The following ZNF701 variants were observed in gnomAD, a reference collection of about 807,000 sequenced individuals.
ZNF701 encodes zinc finger protein 701.
ZNF701 carries 6 observed loss-of-function variants against 7.1 expected under a neutral mutation model. The observed-to-expected ratio is 0.84, with a 90% confidence interval of 0.46 to 1.66. ZNF701 has a LOEUF of 1.66. Among genes scored for constraint, ZNF701 ranks in the 40% most tolerant of loss-of-function variants. The pLI, the probability that ZNF701 is intolerant of heterozygous loss-of-function variation, is 0.01. For missense variants in ZNF701, 541 were observed against 559.2 expected, an observed-to-expected ratio of 0.97 and a Z score of 0.33; for synonymous variants, 166 against 188.2, an observed-to-expected ratio of 0.88 and a Z score of 0.97.
rs1274449008 is a variant in ZNF701 at position 52,583,719 on chromosome 19, T to G, written c.*262T>G. 2 of 779,504 alleles carry G rather than the reference T, an allele frequency of 2.6e-6. No homozygotes were observed. The highest frequency in any genetic ancestry group is 5.0e-5 in the East Asian group (2 of 40,390). The allele number at this position is 779,504 out of a possible 1,614,324, so 48.3% of individuals were successfully genotyped here. A position where few individuals can be genotyped will look rare whatever the true frequency, so the allele number is the denominator to read the frequency against. On this transcript the variant is annotated 3_prime_UTR_variant, in exon 4 of 4. Transcript: ENST00000391785. ...AAAGGAACTGTACAAGTGTAATGAG[T>G]GTGGCAGAGCCTTTGGTGGTCAGTC...
Position 52,583,933 on chromosome 19 carries a change from A to G in ZNF701, c.*476A>G, listed in dbSNP as rs1263960390. 2.5e-6 allele frequency: 1 copy of G among 402,280 alleles called. No individual in the cohort carries two copies. The highest frequency in any genetic ancestry group is 5.0e-6 in the Non-Finnish European group (1 of 200,270). The allele number at this position is 402,280 out of a possible 1,614,324, so 24.9% of individuals were successfully genotyped here. On this transcript the variant is annotated 3_prime_UTR_variant, in exon 4 of 4. Transcript: ENST00000391785. ...ATTCATAACTTGCAGTTCATTGGCGATCTTATACAGGAGAGAAATCTTACA... is the reference window on the plus strand; with the variant it reads ...ATTCATAACTTGCAGTTCATTGGCGGTCTTATACAGGAGAGAAATCTTACA...
At chr19:52,591,575 G>A (rs931439783), downstream of ZNF701, among the ~76,000 whole-genome samples, 9 of 152,100 alleles carry the variant, frequency 5.9e-5, no homozygotes. Flanking sequence ...TGCAACCTTC[G>A]CCTCTGGGGC....
the ZNF701 span, chr19:52,595,810 C>T: frequency 1.2e-6 from 2 of 1,608,424 alleles, no homozygotes; most frequent in Non-Finnish European, 8.5e-7. Flanking sequence ...ATGAAGCACC[C>T]ATGACAGAAA....
chr19:52,571,224 T>C (rs1002376601), intron 1 of ZNF701, among the ~76,000 whole-genome samples: 4 of 144,138 alleles, frequency 2.8e-5, no homozygotes. Flanking sequence ...AGAGGGAGGC[T>C]CATCAGAGTG....
intron 2 of ZNF701, 48 bp from the exon 3 acceptor site, chr19:52,575,847 T>G (rs2146982920): frequency 8.2e-7 from 1 of 1,219,988 alleles, no homozygotes. Flanking sequence ...TCTGTAAAGA[T>G]AAGATCTCCT....
At chr19:52,593,398 CTGGCGGG>C in the ZNF701 span, among the ~76,000 whole-genome samples, 13 of 110,506 alleles carry the variant, frequency 1.2e-4, 4 homozygotes, top group Non-Finnish European at 5.9e-5. Context: ...GGCGGCTGGC[CTGGCGGG>C]GGGCTGACCC....
At position 52,583,409 on chromosome 19, in the gene ZNF701, A is replaced by G; in HGVS notation, c.1350A>G (p.Lys450=). The change falls in exon 4 of 4, where the codon AAA becomes AAG. Residue 450 remains lysine, a synonymous_variant. Transcript: ENST00000391785. The stretch of plus-strand genomic sequence containing the variant: ...AATGTGGCAAGGTTTTTAATCGAAA[A>G]TCAAACCTTGAACGTCATCATAGAC... The part of the protein sequence containing the change: ...CNECGKVFNR[K]SNLERHHRLH... 1.2e-6 allele frequency: 2 copies of G among 1,613,790 alleles called. No homozygotes were observed. Among genetic ancestry groups the G allele is most frequent in the Non-Finnish European group, 1.7e-6 (2 of 1,179,788 alleles).
chr19:52,581,787 C>T (rs1205958123), intron 3 of ZNF701, among the ~76,000 whole-genome samples: 1 of 152,148 alleles, frequency 6.6e-6, no homozygotes, highest in Non-Finnish European at 1.5e-5. Flanking sequence ...GGATTATTTA[C>T]CAAAATAGTA....
At chr19:52,597,226 A>G in the ZNF701 span, 66 of 553,072 alleles carry the variant, frequency 1.2e-4, no homozygotes, top group South Asian at 8.5e-4. Flanking sequence ...TATGCAAAAC[A>G]TAGGAGAATT....
chr19:52,592,189 G>A, the ZNF701 span: 30 of 1,569,956 alleles, frequency 1.9e-5, no homozygotes, highest in Non-Finnish European at 2.4e-5. Flanking sequence ...TTTATACAGG[G>A]AAGTGATGTT....
chr19:52,594,617 G>A, the ZNF701 span, among the ~76,000 whole-genome samples: 7 of 151,884 alleles, frequency 4.6e-5, no homozygotes, highest in East Asian at 7.8e-4. Flanking sequence ...AGGTTCAAGC[G>A]ATTCTCCTGC....
chr19:52,596,107 A>G, the ZNF701 span: 2 of 1,008,488 alleles, frequency 2.0e-6, no homozygotes. Flanking sequence ...ACATGAGGGA[A>G]AAACCTTTCC....
At chr19:52,575,280 T>A (rs2059926639) in intron 2 of ZNF701, among the ~76,000 whole-genome samples, 1 of 152,146 alleles carries the variant, frequency 6.6e-6, no homozygotes, top group Non-Finnish European at 1.5e-5. Flanking sequence ...ACTTTTTGTA[T>A]TTTTAAAACC....
rs2060017695 is a variant in ZNF701, at chr19:52,587,173, A to G, written c.*3716A>G. 1 of 152,212 alleles carries G rather than the reference A, an allele frequency of 6.6e-6. No homozygotes were observed. Among genetic ancestry groups the G allele is most frequent in the African/African-American group, 2.4e-5 (1 of 41,452 alleles). 9.4% of individuals were successfully genotyped at this position (152,212 alleles called of 1,614,324 possible). A position where few individuals can be genotyped will look rare whatever the true frequency, so the allele number is the denominator to read the frequency against. ...ATGGAAAATAAATTACATTATTTGT[A>G]AGTGTTGTAATTTATAATGTAAAGA... is the stretch of plus-strand genomic sequence containing the variant. On this transcript the variant is annotated 3_prime_UTR_variant, in exon 4 of 4. Coordinates refer to ENST00000391785, the MANE Select transcript of ZNF701 (RefSeq NM_018260.3).
chr19:52,574,158 T>C lies in ZNF701; in HGVS notation c.11T>C (p.Leu4Pro), dbSNP rs162832. The change falls in exon 2 of 4, where the codon CTT (leucine) becomes CCT (proline). Residue 4 changes from leucine (L) to proline (P), a missense_variant. Coordinates refer to ENST00000391785, the MANE Select transcript of ZNF701 (RefSeq NM_018260.3). ...GCAAAGGAGTCAGGGATGGCTCTTC[T>C]TCAGGTGAGATGATATTCTCGGGGG... MAL[L>P]QGLLTFRDVA... is the part of the protein sequence containing the mutation. The C allele has an allele frequency of 0.73, 1,175,089 of 1,610,770 alleles. 432,524 individuals carry two copies. The highest frequency in any genetic ancestry group is 0.91 in the African/African-American group (68,039 of 74,910).
At chr19:52,581,160 A>G (rs998481916) in intron 3 of ZNF701, among the ~76,000 whole-genome samples, 5 of 152,198 alleles carry the variant, frequency 3.3e-5, no homozygotes, top group Admixed American at 2.0e-4. Context: ...AAAAAGTCAC[A>G]AAGTGCCTGT....
intron 1 of ZNF701, among the ~76,000 whole-genome samples, chr19:52,571,044 C>A (rs2059894633): frequency 6.6e-6 from 1 of 151,556 alleles, no homozygotes; most frequent in African/African-American, 2.4e-5. Context: ...ATGAGAAAGA[C>A]CCATAACAGA....
At chr19:52,575,862 T>C (rs1285078178) in intron 2 of ZNF701, 33 bp from the exon 3 acceptor site, 2 of 1,343,254 alleles carry the variant, frequency 1.5e-6, no homozygotes, top group Non-Finnish European at 1.0e-6. Flanking sequence ...TCTCCTCCCA[T>C]AACCATTTGC....
chr19:52,580,268 G>C (rs2059967115), intron 3 of ZNF701, among the ~76,000 whole-genome samples: 1 of 151,846 alleles, frequency 6.6e-6, no homozygotes, highest in Admixed American at 6.6e-5. Context: ...ATTTTTGTCA[G>C]AATTATTTCT....
Sources: gnomAD v4.1 joint callset for allele counts (sites outside exome capture counted in the v4.1 genomes callset) on GRCh38, gnomAD v4.1.1 for gene constraint, MANE v1.5 for transcripts, NCBI Gene and HGNC (gene_info 2026-07-23, HGNC 2026-07-21) for gene names.